SCAPER: variants seen among roughly 807,000 people sequenced by gnomAD.
SCAPER encodes the protein S phase cyclin A-associated protein in the endoplasmic reticulum.
Under a neutral mutation model 182.2 loss-of-function variants are expected in SCAPER, and 98 were observed. The ratio of observed to expected loss-of-function variants is 0.54; its 90% CI spans 0.46 to 0.64. SCAPER has a LOEUF of 0.64. SCAPER is among the 30% of genes least tolerant of loss of function. The probability of loss-of-function intolerance (pLI) is 0.00; values close to 1 mark genes in which losing one functional copy is unlikely to be tolerated. For missense variants in SCAPER, 1,432 were observed against 1,690.0 expected (o/e 0.85, Z 2.68); for synonymous variants, 605 against 564.6 (o/e 1.07, Z -1.01).
intron 22 of SCAPER, among the ~76,000 whole-genome samples, chr15:76,608,054 T>C (rs2050612292): frequency 6.6e-6 from 1 of 152,246 alleles, no homozygotes; most frequent in Non-Finnish European, 1.5e-5. Flanking sequence ...GCTCTGTTGC[T>C]GGTGAGGAGT....
chr15:76,629,291 C>T (rs549444469), intron 21 of SCAPER, among the ~76,000 whole-genome samples: 2 of 152,300 alleles, frequency 1.3e-5, no homozygotes, highest in African/African-American at 4.8e-5. Context: ...ACTTCTAAAA[C>T]TATGTTGAAT....
chr15:76,565,729 T>C (rs535286585), intron 23 of SCAPER, among the ~76,000 whole-genome samples: 3 of 152,256 alleles, frequency 2.0e-5, no homozygotes, highest in South Asian at 2.1e-4. Flanking sequence ...TTTTAAAAAA[T>C]ACAAACCATT....
At chr15:76,605,174 C>T (rs2050272984) in intron 22 of SCAPER, among the ~76,000 whole-genome samples, 1 of 152,084 alleles carries the variant, frequency 6.6e-6, no homozygotes, top group African/African-American at 2.4e-5. Flanking sequence ...ATAGATAGCT[C>T]TTATTATTTT....
At chr15:76,814,528 C>A (rs2066913918) in intron 5 of SCAPER, among the ~76,000 whole-genome samples, 1 of 152,142 alleles carries the variant, frequency 6.6e-6, no homozygotes, top group African/African-American at 2.4e-5. Flanking sequence ...AGGATAAACT[C>A]TTCAATAGTG....
At chr15:76,819,170 G>A (rs545508074) in intron 5 of SCAPER, among the ~76,000 whole-genome samples, 1 of 152,248 alleles carries the variant, frequency 6.6e-6, no homozygotes, top group African/African-American at 2.4e-5. Context: ...GCAGGGCACA[G>A]ACAAACAAAA....
At chr15:76,481,781 T>C (rs1246029971) in intron 24 of SCAPER, among the ~76,000 whole-genome samples, 2 of 152,250 alleles carry the variant, frequency 1.3e-5, no homozygotes, top group Non-Finnish European at 1.5e-5. Flanking sequence ...TCTCCAGCAC[T>C]GTGCCTCCAT....
At chr15:76,548,314 G>C (rs1385608739) in intron 23 of SCAPER, among the ~76,000 whole-genome samples, 1 of 152,134 alleles carries the variant, frequency 6.6e-6, no homozygotes, top group Non-Finnish European at 1.5e-5. Context: ...TTCATCAAAT[G>C]AATCTTGGGC....
chr15:76,642,787 A>G (rs1295703123), intron 21 of SCAPER, among the ~76,000 whole-genome samples: 1 of 152,116 alleles, frequency 6.6e-6, no homozygotes, highest in African/African-American at 2.4e-5. Flanking sequence ...GTTATATTGT[A>G]TATGTTTGGA....
chr15:76,718,375 TAG>T (rs763026542), intron 17 of SCAPER, among the ~76,000 whole-genome samples: 1 of 152,054 alleles, frequency 6.6e-6, no homozygotes, highest in Non-Finnish European at 1.5e-5. Flanking sequence ...ATATATCTAA[TAG>T]AGAGTTAATA....
intron 2 of SCAPER, among the ~76,000 whole-genome samples, chr15:76,867,596 C>G (rs1201356148): frequency 6.6e-6 from 1 of 152,190 alleles, no homozygotes; most frequent in Non-Finnish European, 1.5e-5. Context: ...ATGAGCTACT[C>G]TGTTCTGGAG....
chr15:76,351,279 G>C lies in SCAPER; in HGVS notation c.4057C>G (p.Gln1353Glu), dbSNP rs766685654. ...TGGTTTTCCGCTTGACCTGGAGTCTGTGCCAAATCCTGTATGAGGAGAGAA... is the reference window on the plus strand; with the variant it reads ...TGGTTTTCCGCTTGACCTGGAGTCTCTGCCAAATCCTGTATGAGGAGAGAA... ...LLATFIQDLA[Q>E]TPGQAENQPY... Residue 1353 changes from glutamine to glutamate, a missense_variant, in exon 31 of 32, where the codon CAG becomes GAG. This residue lies in a region of SCAPER where 718 missense variants were observed against 799.7 expected (regional missense o/e 0.90). Coordinates refer to ENST00000563290, the MANE Select transcript of SCAPER (RefSeq NM_020843.4). 6.2e-7 allele frequency: 1 copy of C among 1,609,620 alleles called. No homozygotes were observed. The highest frequency in any genetic ancestry group is 1.1e-5 in the South Asian group (1 of 89,980).
At chr15:76,680,570 G>C (rs1194551327) in intron 20 of SCAPER, among the ~76,000 whole-genome samples, 1 of 152,100 alleles carries the variant, frequency 6.6e-6, no homozygotes, top group Non-Finnish European at 1.5e-5. Flanking sequence ...GGCATACTGG[G>C]AAGTTATTGG....
rs916719546 is a variant in SCAPER at position 76,603,876 on chromosome 15, T to C, written c.2711+17888A>G. Among the ~76,000 whole-genome samples the C allele has an allele frequency of 1.3e-4, 16 of 121,642 alleles. 1 individual carries two copies. The highest frequency in any genetic ancestry group is 4.0e-4 in the African/African-American group (16 of 39,780). The allele number at this position is 121,642 out of a possible 152,430, so 79.8% of individuals were successfully genotyped here. On this transcript the variant is annotated intron_variant, in intron 22 of 31. Coordinates refer to ENST00000563290, the MANE Select transcript of SCAPER (RefSeq NM_020843.4). The stretch of plus-strand genomic sequence containing the variant: ...ATCCTTTGCCCACTTTTTGATGGGG[T>C]TGTTTTTTTTCTTGTAAATTTGAGT...
chr15:76,752,751 G>A (rs1432169001), intron 15 of SCAPER, among the ~76,000 whole-genome samples: 1 of 151,618 alleles, frequency 6.6e-6, no homozygotes. Context: ...TGTTTAATGA[G>A]TATAGAGTTT....
chr15:76,885,708 C>T (rs374910878), intron 1 of SCAPER, among the ~76,000 whole-genome samples: 8 of 152,190 alleles, frequency 5.3e-5, no homozygotes, highest in African/African-American at 1.9e-4. Context: ...TGGTCTCGAA[C>T]TATTGGGCTC....
chr15:76,634,868 T>C (rs1320455445), intron 21 of SCAPER, among the ~76,000 whole-genome samples: 1 of 152,014 alleles, frequency 6.6e-6, no homozygotes, highest in Admixed American at 6.6e-5. Flanking sequence ...TGTGTGTGTG[T>C]GTGTATTATT....
intron 28 of SCAPER, chr15:76,381,044 T>C (rs2042911878): frequency 6.3e-6 from 1 of 158,202 alleles, no homozygotes; most frequent in Admixed American, 6.5e-5. Flanking sequence ...AGGATGAACA[T>C]AGGCTTTGGG....
chr15:76,708,072 C>T (rs546712596), intron 17 of SCAPER, among the ~76,000 whole-genome samples: 24 of 152,050 alleles, frequency 1.6e-4, no homozygotes, highest in African/African-American at 5.8e-4. Flanking sequence ...GACACCCCCC[C>T]ACCATACCAA....
At chr15:76,357,150 T>TCA (rs55912416) in intron 29 of SCAPER, among the ~76,000 whole-genome samples, 5,344 of 128,882 alleles carry the variant, frequency 0.041, 153 homozygotes, top group African/African-American at 0.08. Context: ...TTTATTGACA[T>TCA]CACACACACA....
Sources: gnomAD v4.1 joint callset for allele counts (sites outside exome capture counted in the v4.1 genomes callset) on GRCh38, gnomAD v4.1.1 for gene constraint, gnomAD v4.1.1 regional missense constraint, MANE v1.5 for transcripts, NCBI Gene and HGNC (gene_info 2026-07-23, HGNC 2026-07-21) for gene names.